NRCAM: variants seen among roughly 807,000 people sequenced by gnomAD.
NRCAM encodes neuronal cell adhesion molecule, also known as NgCAM-related cell adhesion molecule.
A neutral mutation model predicts 156.5 loss-of-function variants in NRCAM; 83 were observed. The ratio of observed to expected loss-of-function variants is 0.53; its 90% CI spans 0.44 to 0.64. NRCAM has a LOEUF of 0.64. Among genes scored for constraint, NRCAM ranks in the 30% least tolerant of loss-of-function variants. The pLI is 0.00. For missense variants in NRCAM, 1,417 were observed against 1,597.3 expected (o/e 0.89, Z 1.92); for synonymous variants, 538 against 563.9 (o/e 0.95, Z 0.65).
At chr7:108,242,740 A>G (rs987053225) in intron 3 of NRCAM, among the ~76,000 whole-genome samples, 1 of 152,190 alleles carries the variant, frequency 6.6e-6, no homozygotes, top group Non-Finnish European at 1.5e-5. Flanking sequence ...TTAAGTGCCA[A>G]GTTCTCCAGA....
At chr7:108,370,159 G>C (rs1279858586) in intron 2 of NRCAM, among the ~76,000 whole-genome samples, 2 of 152,064 alleles carry the variant, frequency 1.3e-5, no homozygotes, top group African/African-American at 4.8e-5. Flanking sequence ...AAGTGCCCCA[G>C]AGATATGATG....
intron 3 of NRCAM, among the ~76,000 whole-genome samples, chr7:108,256,199 G>T (rs887632386): frequency 6.6e-6 from 1 of 152,008 alleles, no homozygotes; most frequent in African/African-American, 2.4e-5. Flanking sequence ...GAAATGTGGG[G>T]AAAAGAAAGA....
chr7:108,423,535 T>C (rs183844029), intron 1 of NRCAM, among the ~76,000 whole-genome samples: 189 of 152,316 alleles, frequency 1.2e-3, no homozygotes, highest in Non-Finnish European at 1.9e-3. Context: ...AAAAGAGAAC[T>C]TCAGCAGTGG....
chr7:108,187,592 C>T (rs1434803518), intron 20 of NRCAM, among the ~76,000 whole-genome samples: 4 of 152,164 alleles, frequency 2.6e-5, no homozygotes, highest in African/African-American at 7.2e-5. Context: ...TAAACACAGT[C>T]ATATGTATTA....
chr7:108,325,062 T>C (rs910713522), intron 2 of NRCAM, among the ~76,000 whole-genome samples: 5 of 152,078 alleles, frequency 3.3e-5, no homozygotes, highest in Non-Finnish European at 5.9e-5. Context: ...TCTAGAAAGG[T>C]AGCGGCAAGG....
At chr7:108,250,963 T>A (rs755327243) in intron 3 of NRCAM, among the ~76,000 whole-genome samples, 66 of 152,160 alleles carry the variant, frequency 4.3e-4, no homozygotes, top group Non-Finnish European at 5.3e-4. Flanking sequence ...AAAGAGCAGT[T>A]TGAAATGTCC....
intron 2 of NRCAM, among the ~76,000 whole-genome samples, chr7:108,337,506 C>T (rs906933289): frequency 6.6e-6 from 1 of 152,178 alleles, no homozygotes; most frequent in Non-Finnish European, 1.5e-5. Context: ...GCGAGGGGCC[C>T]ATTGCCACTC....
chr7:108,280,006 C>G (rs948009178), intron 3 of NRCAM, among the ~76,000 whole-genome samples: 1 of 152,164 alleles, frequency 6.6e-6, no homozygotes, highest in Non-Finnish European at 1.5e-5. Context: ...CTGCACACTC[C>G]GCTTCAGCAG....
chr7:108,444,180 T>G (rs1453357820), intron 1 of NRCAM, among the ~76,000 whole-genome samples: 1 of 152,164 alleles, frequency 6.6e-6, no homozygotes, highest in Non-Finnish European at 1.5e-5. Flanking sequence ...AGAGATGATT[T>G]TAAGTATATG....
chr7:108,287,601 A>C (rs531329838), intron 3 of NRCAM, among the ~76,000 whole-genome samples: 1 of 152,128 alleles, frequency 6.6e-6, no homozygotes, highest in Non-Finnish European at 1.5e-5. Context: ...ACTAATCATA[A>C]AAATGAATAT....
At chr7:108,269,520 G>A (rs760954581) in intron 3 of NRCAM, among the ~76,000 whole-genome samples, 28 of 152,254 alleles carry the variant, frequency 1.8e-4, no homozygotes, top group African/African-American at 6.7e-4. Context: ...GGGTCTCACT[G>A]GGAGGGAAAG....
Position 108,452,557 on chromosome 7 carries a change from C to T in NRCAM, c.-332+3686G>A, listed in dbSNP as rs917780234. ...ATCCAGTTCTCTCCTCTGTCCTCAC[C>T]TGCCAGGAAGGTTCCTGGAAGGGAT... is the stretch of plus-strand genomic sequence containing the variant. On this transcript the variant is annotated intron_variant, in intron 1 of 32. Coordinates refer to ENST00000379028, the MANE Select transcript of NRCAM (RefSeq NM_001037132.4). Among the ~76,000 whole-genome samples the T allele has an allele frequency of 2.0e-5, 3 of 152,132 alleles. No homozygotes were observed. In the East Asian group the frequency reaches 5.8e-4, roughly 29 times the overall value.
chr7:108,175,406 A>G, intron 27 of NRCAM, 49 bp from the exon 28 acceptor site: 1 of 1,466,812 alleles, frequency 6.8e-7, no homozygotes, highest in South Asian at 1.3e-5. Flanking sequence ...TAGATGTAAC[A>G]CACCCATGAG....
chr7:108,315,937 T>C (rs1372170031), intron 2 of NRCAM, among the ~76,000 whole-genome samples: 2 of 152,248 alleles, frequency 1.3e-5, no homozygotes, highest in Non-Finnish European at 2.9e-5. Flanking sequence ...ATTACATTGA[T>C]AGAGGACATG....
chr7:108,345,566 T>C (rs1028407624), intron 2 of NRCAM, among the ~76,000 whole-genome samples: 1 of 152,148 alleles, frequency 6.6e-6, no homozygotes, highest in Admixed American at 6.5e-5. Flanking sequence ...GAGCAGCCTT[T>C]GGGACATAAC....
At chr7:108,207,290 G>C in intron 13 of NRCAM, 1 of 335,974 alleles carries the variant, frequency 3.0e-6, no homozygotes, top group East Asian at 5.3e-5. Context: ...GTAAAAAGCA[G>C]ACGAAATATT....
At chr7:108,356,458 T>C (rs560123436) in intron 2 of NRCAM, among the ~76,000 whole-genome samples, 2 of 152,208 alleles carry the variant, frequency 1.3e-5, no homozygotes, top group Non-Finnish European at 2.9e-5. Context: ...TTGGAATGTA[T>C]TCCCCACAGA....
At chr7:108,286,202 A>G (rs1276909051) in intron 3 of NRCAM, among the ~76,000 whole-genome samples, 1 of 151,882 alleles carries the variant, frequency 6.6e-6, no homozygotes, top group East Asian at 1.9e-4. Flanking sequence ...TCAACAATTT[A>G]AAAACATAAA....
At chr7:108,396,933 A>C (rs920704012) in intron 2 of NRCAM, among the ~76,000 whole-genome samples, 17 of 152,228 alleles carry the variant, frequency 1.1e-4, no homozygotes, top group Non-Finnish European at 1.8e-4. Context: ...AAACTATAAA[A>C]TTTAAAAATA....
Sources: gnomAD v4.1 joint callset for allele counts (sites outside exome capture counted in the v4.1 genomes callset) on GRCh38, gnomAD v4.1.1 for gene constraint, MANE v1.5 for transcripts, NCBI Gene and HGNC (gene_info 2026-07-23, HGNC 2026-07-21) for gene names.